Variants in PCSK2 observed in about 807,000 individuals in gnomAD.
The protein encoded by PCSK2 is proprotein convertase subtilisin/kexin type 2.
A neutral mutation model predicts 69.7 loss-of-function variants in PCSK2; 14 were observed. That is an observed-to-expected ratio of 0.20 (90% confidence interval 0.13 to 0.31). PCSK2 has a LOEUF of 0.31. Among genes scored for constraint, PCSK2 ranks in the 10% least tolerant of loss-of-function variants. The pLI is 1.00. For missense variants in PCSK2, 544 were observed against 842.5 expected, an observed-to-expected ratio of 0.65 and a Z score of 4.39; for synonymous variants, 307 against 320.7, an observed-to-expected ratio of 0.96 and a Z score of 0.46.
intron 2 of PCSK2, among the ~76,000 whole-genome samples, chr20:17,352,279 A>G (rs2030017043): frequency 6.6e-6 from 1 of 152,214 alleles, no homozygotes; most frequent in Non-Finnish European, 1.5e-5. Context: ...TACTGCCCAA[A>G]GCAATCTACA....
chr20:17,348,090 A>AGAAAGAAAGAAAGAAAGAAAGAAT (rs1568612767), intron 2 of PCSK2, among the ~76,000 whole-genome samples: 61 of 142,822 alleles, frequency 4.3e-4, no homozygotes, highest in Middle Eastern at 3.5e-3. Context: ...AAAGAAAGAA[A>AGAAAGAAAGAAAGAAAGAAAGAAT]GAAAGAAAGA....
intron 9 of PCSK2, among the ~76,000 whole-genome samples, chr20:17,454,756 CA>C (rs2123383503): frequency 6.6e-6 from 1 of 152,276 alleles, no homozygotes; most frequent in African/African-American, 2.4e-5. Flanking sequence ...TGACTGGCTG[CA>C]CCCATCTCCA....
At chr20:17,283,888 T>G (rs1988415230) in intron 2 of PCSK2, among the ~76,000 whole-genome samples, 3 of 152,108 alleles carry the variant, frequency 2.0e-5, no homozygotes, top group Admixed American at 6.5e-5. Flanking sequence ...TACACAAACC[T>G]CTCTTTATGA....
At chr20:17,460,371 T>C (rs2032995667) in intron 10 of PCSK2, among the ~76,000 whole-genome samples, 1 of 152,172 alleles carries the variant, frequency 6.6e-6, no homozygotes, top group Non-Finnish European at 1.5e-5. Context: ...TTATTTCTCA[T>C]TGGCTAGAAC....
chr20:17,253,288 A>G (rs548510948), intron 1 of PCSK2, among the ~76,000 whole-genome samples: 6 of 152,344 alleles, frequency 3.9e-5, no homozygotes, highest in African/African-American at 1.4e-4. Context: ...AAGTTGTGCA[A>G]TCATTACCAG....
At chr20:17,476,598 G>A (rs570471365) in intron 11 of PCSK2, among the ~76,000 whole-genome samples, 23 of 152,244 alleles carry the variant, frequency 1.5e-4, no homozygotes, top group Admixed American at 3.3e-4. Context: ...TTATATATAT[G>A]TGCATATATA....
At position 17,453,540 on chromosome 20, in the gene PCSK2, T is replaced by G. The variant is rs1321120959; in HGVS notation, c.886-202T>G. Among the ~76,000 whole-genome samples, 1 of 152,230 alleles carries G rather than the reference T, an allele frequency of 6.6e-6. No individual in the cohort carries two copies. Among genetic ancestry groups the G allele is most frequent in the Non-Finnish European group, 1.5e-5 (1 of 68,036 alleles). Reference sequence around the variant, plus strand: ...GCTTAAATTGTAAATTCAGTTGACTTTTTTAGATTGAATTCTTCCTGGAAA... The same window carrying G: ...GCTTAAATTGTAAATTCAGTTGACTGTTTTAGATTGAATTCTTCCTGGAAA... On this transcript the variant is annotated intron_variant, in intron 8 of 11. Coordinates refer to ENST00000262545, the MANE Select transcript of PCSK2 (RefSeq NM_002594.5). The surrounding 1 kb of genome is among the most constrained non-coding windows in gnomAD (Gnocchi z 4.0).
chr20:17,270,355 G>A (rs1319392533), intron 2 of PCSK2, among the ~76,000 whole-genome samples: 1 of 152,122 alleles, frequency 6.6e-6, no homozygotes, highest in Non-Finnish European at 1.5e-5. Flanking sequence ...TTGAAAATGA[G>A]TGGAATTGAA....
At position 17,453,204 on chromosome 20, in the gene PCSK2, T is replaced by A. The variant is rs2123380935; in HGVS notation, c.886-538T>A. 6.6e-6 allele frequency among the ~76,000 whole-genome samples: 1 copy of A among 152,278 alleles called. No individual in the cohort carries two copies. The highest frequency in any genetic ancestry group is 2.1e-4 in the South Asian group (1 of 4,828). On this transcript the variant is annotated intron_variant, in intron 8 of 11. Transcript: ENST00000262545. The surrounding 1 kb of genome is among the most constrained non-coding windows in gnomAD (Gnocchi z 4.0). ...ATATTTATAATGTCTACATATCATA[T>A]TTAAATTTATATATTGATATATAGC...
intron 11 of PCSK2, among the ~76,000 whole-genome samples, chr20:17,466,712 T>A (rs1386353456): frequency 6.6e-6 from 1 of 152,202 alleles, no homozygotes; most frequent in African/African-American, 2.4e-5. Flanking sequence ...CTTAAGTGTA[T>A]CATTTGAGTG....
chr20:17,275,799 G>C (rs193294132), intron 2 of PCSK2, among the ~76,000 whole-genome samples: 260 of 152,246 alleles, frequency 1.7e-3, no homozygotes, highest in Non-Finnish European at 2.0e-3. Context: ...CTAAATTCTT[G>C]TAACCTTCTA....
intron 1 of PCSK2, among the ~76,000 whole-genome samples, chr20:17,252,230 G>A (rs1388776225): frequency 6.6e-6 from 1 of 151,948 alleles, no homozygotes; most frequent in Admixed American, 6.6e-5. Context: ...AAAAAGCTGT[G>A]GCTTTAAACA....
At chr20:17,465,275 C>G (rs771707721) in intron 10 of PCSK2, 51 bp from the exon 11 acceptor site, 2 of 1,270,836 alleles carry the variant, frequency 1.6e-6, no homozygotes, top group African/African-American at 2.9e-5. Flanking sequence ...CTCTCCCTCT[C>G]TCACCCTGCC....
chr20:17,232,705 T>C (rs1043022418), intron 1 of PCSK2, among the ~76,000 whole-genome samples: 2 of 152,232 alleles, frequency 1.3e-5, no homozygotes, highest in African/African-American at 4.8e-5. Context: ...GGCAGCCAAT[T>C]GTAAGTCAAA....
At position 17,461,348 on chromosome 20, in the gene PCSK2, C is replaced by A. The variant is rs555097669; in HGVS notation, c.1203-3978C>A. Among the ~76,000 whole-genome samples the A allele has an allele frequency of 9.2e-5, 14 of 152,196 alleles. No homozygotes were observed. In the South Asian group the frequency reaches 2.9e-3, roughly 32 times the overall value. On this transcript the variant is annotated intron_variant, in intron 10 of 11. Transcript: ENST00000262545. ...CTTTGAAATTATTTTTTAATCCTAT[C>A]AAAATTTAGAGGATAGACTCAGAAT...
chr20:17,476,646 T>C (rs1212294038), intron 11 of PCSK2, among the ~76,000 whole-genome samples: 1 of 152,230 alleles, frequency 6.6e-6, no homozygotes, highest in Non-Finnish European at 1.5e-5. Flanking sequence ...CAGCAACTGT[T>C]CAGGGCAGGA....
At chr20:17,318,372 G>A (rs1008108142) in intron 2 of PCSK2, among the ~76,000 whole-genome samples, 1 of 152,088 alleles carries the variant, frequency 6.6e-6, no homozygotes, top group African/African-American at 2.4e-5. Context: ...GATCCAAAAT[G>A]TATTGAAGTC....
chr20:17,382,728 G>A (rs1049609779), intron 5 of PCSK2, among the ~76,000 whole-genome samples: 6 of 152,040 alleles, frequency 3.9e-5, no homozygotes, highest in African/African-American at 1.4e-4. Flanking sequence ...CAAGCAGAAA[G>A]GTCGTTACAA....
chr20:17,337,352 A>G (rs1010056973), intron 2 of PCSK2, among the ~76,000 whole-genome samples: 1 of 152,200 alleles, frequency 6.6e-6, no homozygotes, highest in African/African-American at 2.4e-5. Context: ...ACAGTGGGGC[A>G]TTCTTGGGCT....
Sources: allele counts gnomAD v4.1 joint callset (sites outside exome capture counted in the v4.1 genomes callset), GRCh38; gene constraint gnomAD v4.1.1; non-coding constraint Gnocchi (gnomAD v3.1); transcripts MANE v1.5; gene names NCBI Gene and HGNC (gene_info 2026-07-23, HGNC 2026-07-21).